Variants in ANKS1B observed in about 807,000 individuals in gnomAD.
ANKS1B encodes the protein ankyrin repeat and sterile alpha motif domain containing 1B.
Under a neutral mutation model 148.3 loss-of-function variants are expected in ANKS1B, and 36 were observed. The ratio of observed to expected loss-of-function variants is 0.24; its 90% CI spans 0.19 to 0.32. The LOEUF is 0.32. ANKS1B is among the 10% of genes least tolerant of loss of function. ANKS1B has a pLI of 1.00. For missense variants in ANKS1B, 1,157 were observed against 1,542.6 expected, an observed-to-expected ratio of 0.75 and a Z score of 4.19; for synonymous variants, 542 against 560.8, an observed-to-expected ratio of 0.97 and a Z score of 0.47.
chr12:99,460,947 CAT>C (rs1470632628), intron 10 of ANKS1B, among the ~76,000 whole-genome samples: 2 of 151,934 alleles, frequency 1.3e-5, no homozygotes, highest in African/African-American at 2.4e-5. Flanking sequence ...CTTGCACACA[CAT>C]GTTTATAGCA....
intron 11 of ANKS1B, among the ~76,000 whole-genome samples, chr12:99,434,148 C>A (rs1301266194): frequency 6.6e-6 from 1 of 152,026 alleles, no homozygotes; most frequent in African/African-American, 2.4e-5. Flanking sequence ...ATTGTATAGT[C>A]AAACAGATTT....
chr12:99,230,894 G>C (rs1490791399), intron 14 of ANKS1B, among the ~76,000 whole-genome samples: 2 of 151,998 alleles, frequency 1.3e-5, no homozygotes, highest in African/African-American at 4.8e-5. Context: ...ATCCTCTCTT[G>C]ATTTAGATAA....
intron 9 of ANKS1B, among the ~76,000 whole-genome samples, chr12:99,523,831 C>A (rs968739953): frequency 6.6e-6 from 1 of 152,112 alleles, no homozygotes; most frequent in Non-Finnish European, 1.5e-5. Context: ...GGACTACAGG[C>A]GTGAGCCACC....
At chr12:98,975,111 TTC>T (rs1173343996) in intron 17 of ANKS1B, among the ~76,000 whole-genome samples, 49 of 138,440 alleles carry the variant, frequency 3.5e-4, no homozygotes, top group African/African-American at 1.2e-3. Flanking sequence ...TCCTACTTTC[TTC>T]TGTTTCCTCT....
chr12:99,768,844 A>C (rs1478142545), intron 8 of ANKS1B, among the ~76,000 whole-genome samples: 1 of 150,704 alleles, frequency 6.6e-6, no homozygotes, highest in Non-Finnish European at 1.5e-5. Flanking sequence ...AAAAAAAAAA[A>C]AAAACACATC....
intron 1 of ANKS1B, among the ~76,000 whole-genome samples, chr12:99,886,148 C>A (rs921106160): frequency 1.2e-4 from 19 of 152,214 alleles, no homozygotes; most frequent in African/African-American, 4.6e-4. Flanking sequence ...TCCCTTTTCA[C>A]CACATTCACG....
At chr12:98,816,641 C>A (rs561719570) in intron 19 of ANKS1B, among the ~76,000 whole-genome samples, 40 of 152,342 alleles carry the variant, frequency 2.6e-4, no homozygotes, top group Non-Finnish European at 4.4e-4. Context: ...AAGAACCTAT[C>A]TCCCTGTCAC....
intron 6 of ANKS1B, among the ~76,000 whole-genome samples, chr12:99,778,369 A>G (rs747901213): frequency 6.6e-6 from 1 of 152,160 alleles, no homozygotes. Context: ...GTAGCCAGAC[A>G]TGGCGGCAAG....
intron 17 of ANKS1B, among the ~76,000 whole-genome samples, chr12:98,906,589 G>A (rs778395661): frequency 2.0e-5 from 3 of 152,172 alleles, no homozygotes; most frequent in Non-Finnish European, 4.4e-5. Context: ...GTTCCCTGAC[G>A]ACTGGCTTCC....
intron 15 of ANKS1B, among the ~76,000 whole-genome samples, chr12:99,127,167 C>T (rs1313239692): frequency 6.6e-6 from 1 of 152,082 alleles, no homozygotes; most frequent in Admixed American, 6.6e-5. Flanking sequence ...AATAATTTGC[C>T]TATAAAATAT....
chr12:99,588,413 CTTTT>C (rs57908824), intron 9 of ANKS1B, among the ~76,000 whole-genome samples: 209 of 148,986 alleles, frequency 1.4e-3, no homozygotes, highest in African/African-American at 4.9e-3. Flanking sequence ...AAAATGTAAT[CTTTT>C]TTTTTTGTCT....
At chr12:99,390,063 T>C (rs1248704603) in intron 12 of ANKS1B, among the ~76,000 whole-genome samples, 1 of 152,184 alleles carries the variant, frequency 6.6e-6, no homozygotes, top group African/African-American at 2.4e-5. Context: ...CTCTGCAATT[T>C]GTACAGAATT....
chr12:99,452,302 G>A (rs1306540114), intron 10 of ANKS1B, among the ~76,000 whole-genome samples: 1 of 152,112 alleles, frequency 6.6e-6, no homozygotes, highest in Non-Finnish European at 1.5e-5. Flanking sequence ...CTATGGAAAT[G>A]TTTTCCCTTT....
intron 17 of ANKS1B, among the ~76,000 whole-genome samples, chr12:99,048,399 T>A (rs1407153520): frequency 6.6e-6 from 1 of 152,214 alleles, no homozygotes; most frequent in Non-Finnish European, 1.5e-5. Context: ...ATGCCTTGTT[T>A]ATTGTGTGTG....
chr12:98,745,947 C>T, intron 26 of ANKS1B, 98 bp from the exon 27 acceptor site: 1 of 1,326,690 alleles, frequency 7.5e-7, no homozygotes, highest in Non-Finnish European at 1.0e-6. Context: ...GCCCCTCGCC[C>T]CAGGCGCGGG....
At chr12:99,179,428 C>CA (rs59979808) in intron 14 of ANKS1B, among the ~76,000 whole-genome samples, 1,337 of 72,866 alleles carry the variant, frequency 0.018, 35 homozygotes, top group Non-Finnish European at 0.024. Flanking sequence ...GACTCTGTCT[C>CA]AAAAAAAAAA....
chr12:99,879,967 G>T (rs911542684), intron 1 of ANKS1B, among the ~76,000 whole-genome samples: 1 of 152,094 alleles, frequency 6.6e-6, no homozygotes, highest in Non-Finnish European at 1.5e-5. Context: ...GTAATATGAC[G>T]TAGCAGCTAA....
At chr12:99,102,198 G>A (rs1440479948) in intron 15 of ANKS1B, among the ~76,000 whole-genome samples, 1 of 152,168 alleles carries the variant, frequency 6.6e-6, no homozygotes, top group Admixed American at 6.5e-5. Flanking sequence ...AATGGAAGTG[G>A]AAAAGGCCCT....
intron 12 of ANKS1B, among the ~76,000 whole-genome samples, chr12:99,395,178 G>T (rs2094204180): frequency 6.6e-6 from 1 of 151,940 alleles, no homozygotes; most frequent in South Asian, 2.1e-4. Context: ...CTTCTAACTG[G>T]CTTTCCTGCA....
Sources: allele counts gnomAD v4.1 joint callset (sites outside exome capture counted in the v4.1 genomes callset), GRCh38; gene constraint gnomAD v4.1.1; transcripts MANE v1.5; gene names NCBI Gene and HGNC (gene_info 2026-07-23, HGNC 2026-07-21).